CACUL1: variants seen among roughly 807,000 people sequenced by gnomAD.
The protein encoded by CACUL1 is CDK2 associated cullin domain 1, also known as CDK2-associated and cullin domain-containing protein 1.
In CACUL1, 13 loss-of-function variants were observed where a neutral mutation model predicts 45.2. The ratio of observed to expected loss-of-function variants is 0.29; its 90% CI spans 0.19 to 0.46. The LOEUF (loss-of-function observed/expected upper bound fraction) is 0.46, where lower values mean the gene tolerates loss of function less well. CACUL1 is among the 20% of genes least tolerant of loss of function. The probability of loss-of-function intolerance (pLI) is 1.00; values close to 1 mark genes in which losing one functional copy is unlikely to be tolerated. For missense variants in CACUL1, 421 were observed against 471.4 expected, an observed-to-expected ratio of 0.89 and a Z score of 0.99; for synonymous variants, 197 against 174.2, an observed-to-expected ratio of 1.13 and a Z score of -1.03.
At position 118,677,708 on chromosome 10, in the gene CACUL1, C is replaced by T. The variant is rs1252259486; in HGVS notation, c.*8420G>A. On this transcript the variant is annotated 3_prime_UTR_variant, in exon 9 of 9. Transcript: ENST00000369151. ...CCGCAGTGGTATGATGCCTTGACCA[C>T]TCTAGAGAATTCCACAGCATACACT... 1 of 152,214 alleles carries T rather than the reference C, an allele frequency of 6.6e-6. No individual in the cohort carries two copies. The highest frequency in any genetic ancestry group is 2.4e-5 in the African/African-American group (1 of 41,454). The allele number at this position is 152,214 out of a possible 1,614,324, so 9.4% of individuals were successfully genotyped here.
chr10:118,711,565 G>A (rs761663983), intron 3 of CACUL1, among the ~76,000 whole-genome samples: 1 of 151,942 alleles, frequency 6.6e-6, no homozygotes, highest in Non-Finnish European at 1.5e-5. Context: ...GAAGTATTAC[G>A]TGAAAAAAAA....
intron 1 of CACUL1, among the ~76,000 whole-genome samples, chr10:118,752,789 T>C (rs755767356): frequency 1.5e-4 from 23 of 152,368 alleles, no homozygotes; most frequent in Non-Finnish European, 3.1e-4. Context: ...TAGTTCAAGA[T>C]ATTTCTTCTG....
intron 1 of CACUL1, among the ~76,000 whole-genome samples, chr10:118,748,248 C>A (rs895969164): frequency 6.6e-6 from 1 of 152,158 alleles, no homozygotes. Context: ...CACTCTTGAA[C>A]CTGGGCCATT....
intron 1 of CACUL1, among the ~76,000 whole-genome samples, chr10:118,736,034 G>A (rs766399031): frequency 1.3e-5 from 2 of 152,118 alleles, no homozygotes; most frequent in Non-Finnish European, 2.9e-5. Flanking sequence ...TAATAAATCT[G>A]CCTGAATGTT....
At chr10:118,746,363 A>G (rs1845843128) in intron 1 of CACUL1, among the ~76,000 whole-genome samples, 1 of 152,200 alleles carries the variant, frequency 6.6e-6, no homozygotes, top group African/African-American at 2.4e-5. Context: ...TAAGAAAAGG[A>G]TAGTCTTTTC....
intron 3 of CACUL1, among the ~76,000 whole-genome samples, chr10:118,716,303 GTAT>G (rs1390897059): frequency 3.2e-5 from 4 of 124,832 alleles, no homozygotes; most frequent in Non-Finnish European, 7.2e-5. Flanking sequence ...TACCATTTTG[GTAT>G]TTTTTTTTTT....
intron 7 of CACUL1, among the ~76,000 whole-genome samples, chr10:118,690,829 T>G (rs1724109170): frequency 1.3e-5 from 2 of 152,122 alleles, no homozygotes; most frequent in South Asian, 4.1e-4. Flanking sequence ...GCGGATCACT[T>G]GAGGTCAGGA....
chr10:118,711,576 T>A (rs961636610), intron 3 of CACUL1, among the ~76,000 whole-genome samples: 3 of 152,152 alleles, frequency 2.0e-5, no homozygotes, highest in African/African-American at 7.2e-5. Flanking sequence ...TGAAAAAAAA[T>A]CTTAAAAGCT....
intron 3 of CACUL1, among the ~76,000 whole-genome samples, chr10:118,720,152 C>G (rs866140926): frequency 6.6e-6 from 1 of 151,982 alleles, no homozygotes; most frequent in South Asian, 2.1e-4. Context: ...CTTAATTTTC[C>G]AAATACTATT....
intron 3 of CACUL1, among the ~76,000 whole-genome samples, chr10:118,709,584 C>T (rs371784768): frequency 1.8e-4 from 28 of 152,188 alleles, no homozygotes; most frequent in African/African-American, 2.4e-4. Flanking sequence ...CAAGAACTAA[C>T]TTGTGGCAGC....
In CACUL1 at chr10:118,686,657, G is replaced by A. The variant is rs747918557; in HGVS notation, c.1026-16C>T. On this transcript the variant is annotated splice_polypyrimidine_tract_variant and intron_variant, in intron 7 of 8. Transcript: ENST00000369151. ...CTGGTCACCCCTGGGGATAAGAAGA[G>A]GCAGTCAACAAAACTGACTTCACAT... 1 of 1,607,282 alleles carries A rather than the reference G, an allele frequency of 6.2e-7. No individual in the cohort carries two copies. Among genetic ancestry groups the A allele is most frequent in the Non-Finnish European group, 8.5e-7 (1 of 1,173,792 alleles).
At chr10:118,739,206 A>G (rs1845769495) in intron 1 of CACUL1, among the ~76,000 whole-genome samples, 1 of 152,046 alleles carries the variant, frequency 6.6e-6, no homozygotes, top group African/African-American at 2.4e-5. Flanking sequence ...AAAAAAAAAA[A>G]AGGTCAGTGT....
rs1419283465 is a variant in CACUL1, at chr10:118,681,063, A to G, written c.*5065T>C. On this transcript the variant is annotated 3_prime_UTR_variant, in exon 9 of 9. Transcript: ENST00000369151. ...TATATGCCCTAATACAGAAGGAGTG[A>G]TTCAGAACCCACCAAAAGATCAAGA... The G allele has an allele frequency of 6.6e-6, 1 of 152,238 alleles. No homozygotes were observed. The highest frequency in any genetic ancestry group is 1.5e-5 in the Non-Finnish European group (1 of 68,034). 9.4% of individuals were successfully genotyped at this position (152,238 alleles called of 1,614,324 possible). A position where few individuals can be genotyped will look rare whatever the true frequency, so the allele number is the denominator to read the frequency against.
In CACUL1 at chr10:118,694,009, CGCCCGCCACCATACCAG is replaced by C. The variant is rs1564828738; in HGVS notation, c.886+1115_886+1131del. On this transcript the variant is annotated intron_variant, in intron 6 of 8. Transcript: ENST00000369151. ...CTCAGGAAGTAGCTGGGACTACAGG[CGCCCGCCACCATACCAG>C]GCTAATTTTTTCTATTTTTAGTAGA... 2.6e-5 allele frequency among the ~76,000 whole-genome samples: 4 copies of C among 152,064 alleles called. No homozygotes were observed. In the South Asian group the frequency reaches 6.2e-4, roughly 24 times the overall value.
Position 118,682,873 on chromosome 10 carries a change from TTGC to T in CACUL1, c.*3252_*3254del, listed in dbSNP as rs1275950358. ...ACTCTAGACCCCAAAGGGAGGGTAA[TTGC>T]TGCAAATTTGTTAAAGGGACAGAAG... On this transcript the variant is annotated 3_prime_UTR_variant, in exon 9 of 9. Coordinates refer to ENST00000369151, the MANE Select transcript of CACUL1 (RefSeq NM_153810.5). 4 of 152,418 alleles carry T rather than the reference TTGC, an allele frequency of 2.6e-5. No individual in the cohort carries two copies. Among genetic ancestry groups the T allele is most frequent in the Admixed American group, 1.3e-4 (2 of 15,270 alleles). 9.4% of individuals were successfully genotyped at this position (152,418 alleles called of 1,614,324 possible).
intron 1 of CACUL1, among the ~76,000 whole-genome samples, chr10:118,749,669 C>T (rs1252213186): frequency 6.6e-6 from 1 of 152,194 alleles, no homozygotes. Context: ...GGAGATAGTA[C>T]ATTTGGGAAA....
rs1845885573 is a variant in CACUL1 at position 118,750,396 on chromosome 10, G to A, written c.367+4000C>T. ...TCTGTTTGGCCAGAGCAAAAGAGATGAGTCTTGGAGCATGACTGTGGATTA... is the reference window on the plus strand; with the variant it reads ...TCTGTTTGGCCAGAGCAAAAGAGATAAGTCTTGGAGCATGACTGTGGATTA... On this transcript the variant is annotated intron_variant, in intron 1 of 8. Transcript: ENST00000369151. 2.0e-5 allele frequency among the ~76,000 whole-genome samples: 3 copies of A among 152,094 alleles called. No homozygotes were observed. In the South Asian group the frequency reaches 6.2e-4, roughly 32 times the overall value.
At chr10:118,691,533 A>C in intron 6 of CACUL1, 130 bp from the exon 7 acceptor site, 1 of 781,644 alleles carries the variant, frequency 1.3e-6, no homozygotes, top group Non-Finnish European at 2.1e-6. Context: ...GTGCAATCCC[A>C]TTCTGGTAAA....
intron 1 of CACUL1, among the ~76,000 whole-genome samples, chr10:118,751,814 G>A (rs1488889341): frequency 2.6e-5 from 4 of 152,172 alleles, no homozygotes; most frequent in African/African-American, 7.2e-5. Flanking sequence ...TGATCCAAGA[G>A]CAAGGAAAAT....
Sources: allele counts gnomAD v4.1 joint callset (sites outside exome capture counted in the v4.1 genomes callset), GRCh38; gene constraint gnomAD v4.1.1; transcripts MANE v1.5; gene names NCBI Gene and HGNC (gene_info 2026-07-23, HGNC 2026-07-21).